The following KCNH7 variants were observed in gnomAD, a reference collection of about 807,000 sequenced individuals.
KCNH7 encodes potassium voltage-gated channel subfamily H member 7.
A neutral mutation model predicts 120.8 loss-of-function variants in KCNH7; 49 were observed. The observed-to-expected ratio is 0.41, with a 90% CI of 0.32 to 0.51. The LOEUF is 0.51. Ranked by LOEUF, KCNH7 falls within the 20% of genes least tolerant of loss-of-function variation. KCNH7 has a pLI of 0.38. For synonymous variants in KCNH7, 547 were observed against 516.1 expected, an observed-to-expected ratio of 1.06 and a Z score of -0.81; for missense variants, 1,097 against 1,446.6, an observed-to-expected ratio of 0.76 and a Z score of 3.92.
At chr2:162,379,818 G>C (rs369831069) in intron 14 of KCNH7, 35 bp downstream of exon 14, 2 of 1,606,650 alleles carry the variant, frequency 1.2e-6, no homozygotes, top group African/African-American at 1.3e-5. Context: ...TAAGGGGTTG[G>C]GTTATGTTCT....
intron 2 of KCNH7, among the ~76,000 whole-genome samples, chr2:162,766,844 C>A (rs1428605301): frequency 6.7e-6 from 1 of 149,460 alleles, no homozygotes; most frequent in Non-Finnish European, 1.5e-5. Context: ...TGTGTCCTTC[C>A]AAAGATGTTC....
At chr2:162,766,864 T>TACACACAC (rs200638624) in intron 2 of KCNH7, among the ~76,000 whole-genome samples, 169 of 141,606 alleles carry the variant, frequency 1.2e-3, no homozygotes, top group Middle Eastern at 3.7e-3. Context: ...CTAAGCACAT[T>TACACACAC]ACACACACAC....
At chr2:162,620,958 T>A (rs1287896743) in intron 2 of KCNH7, among the ~76,000 whole-genome samples, 1 of 152,248 alleles carries the variant, frequency 6.6e-6, no homozygotes, top group East Asian at 1.9e-4. Flanking sequence ...AGGCATAAGC[T>A]GGGACTGCCC....
chr2:162,517,979 C>T lies in KCNH7; in HGVS notation c.643G>A (p.Asp215Asn). The change falls in exon 4 of 16, where the codon GAC becomes AAC. Residue 215 changes from aspartate to asparagine, a missense_variant. Transcript: ENST00000332142. ...CTGGGCTGTATCAAAGCTTTTGTGTCATCTGCTTCAGAGGGGCTGCAGCTT... is the reference window on the plus strand; with the variant it reads ...CTGGGCTGTATCAAAGCTTTTGTGTTATCTGCTTCAGAGGGGCTGCAGCTT... ...KESCSPSEAD[D>N]TKALIQPSKC... is the part of the protein sequence containing the mutation. The T allele has an allele frequency of 6.2e-7, 1 of 1,612,402 alleles. No homozygotes were observed. Among genetic ancestry groups the T allele is most frequent in the Non-Finnish European group, 8.5e-7 (1 of 1,178,894 alleles).
At position 162,759,186 on chromosome 2, in the gene KCNH7, A is replaced by G. The variant is rs1688886529; in HGVS notation, c.307+77351T>C. Among the ~76,000 whole-genome samples the G allele has an allele frequency of 2.6e-5, 4 of 152,240 alleles. No individual in the cohort carries two copies. In the South Asian group the frequency reaches 8.3e-4, roughly 32 times the overall value. ...GAATATTTAACTGTACTCTACGTAA[A>G]GAATAGACTAGAGACCTTGGGACTT... On this transcript the variant is annotated intron_variant, in intron 2 of 15. Coordinates refer to ENST00000332142, the MANE Select transcript of KCNH7 (RefSeq NM_033272.4).
chr2:162,584,249 C>T (rs755551249), intron 2 of KCNH7, among the ~76,000 whole-genome samples: 18 of 152,144 alleles, frequency 1.2e-4, no homozygotes, highest in Non-Finnish European at 2.2e-4. Flanking sequence ...TCCTTTCACA[C>T]ACCCAAACTT....
chr2:162,772,889 A>T (rs1476089392), intron 2 of KCNH7, among the ~76,000 whole-genome samples: 1 of 152,224 alleles, frequency 6.6e-6, no homozygotes, highest in African/African-American at 2.4e-5. Context: ...TCAGAGAAGA[A>T]AAACAAAAAG....
chr2:162,767,897 T>C (rs1273763205), intron 2 of KCNH7, among the ~76,000 whole-genome samples: 1 of 152,198 alleles, frequency 6.6e-6, no homozygotes, highest in Non-Finnish European at 1.5e-5. Context: ...CAAGTTATTG[T>C]TGAATCACAA....
chr2:162,626,649 C>T (rs1001641843), intron 2 of KCNH7, among the ~76,000 whole-genome samples: 7 of 152,118 alleles, frequency 4.6e-5, no homozygotes, highest in Non-Finnish European at 1.0e-4. Context: ...AGGCTAGCAG[C>T]ATTGGCATTA....
At chr2:162,438,422 T>A (rs2105530649) in intron 7 of KCNH7, among the ~76,000 whole-genome samples, 1 of 152,244 alleles carries the variant, frequency 6.6e-6, no homozygotes, top group Non-Finnish European at 1.5e-5. Context: ...CATAGTAACA[T>A]ACAAGTGACA....
intron 2 of KCNH7, among the ~76,000 whole-genome samples, chr2:162,687,721 C>G (rs900519553): frequency 4.6e-5 from 7 of 152,142 alleles, no homozygotes; most frequent in Non-Finnish European, 7.4e-5. Context: ...ACTATTTTGA[C>G]AGCTGAGCCA....
At chr2:162,394,333 A>G (rs1340177918) in intron 12 of KCNH7, 56 bp downstream of exon 12, 1 of 989,204 alleles carries the variant, frequency 1.0e-6, no homozygotes, top group Non-Finnish European at 1.6e-6. Context: ...ACATTTAAGT[A>G]AGAAGGCTAA....
chr2:162,539,923 C>T (rs1692246570), intron 2 of KCNH7, among the ~76,000 whole-genome samples: 2 of 151,996 alleles, frequency 1.3e-5, no homozygotes, highest in African/African-American at 4.8e-5. Context: ...AATATTTTAG[C>T]TTGGATAATT....
In KCNH7 at chr2:162,718,048, C is replaced by CT. The variant is rs553444031; in HGVS notation, c.307+118488dup. ...TTTTTCTCTCTCTCCCTCTCTCTCT[C>CT]TTTTTTTTTTCTTTAATCACACATC... On this transcript the variant is annotated intron_variant, in intron 2 of 15. Transcript: ENST00000332142. Among the ~76,000 whole-genome samples, 2,563 of 148,454 alleles carry CT rather than the reference C, an allele frequency of 0.017. 293 individuals carry two copies. The East Asian group carries it at 0.33, about 19-fold the overall frequency.
intron 3 of KCNH7, among the ~76,000 whole-genome samples, chr2:162,524,243 C>A (rs1275282133): frequency 6.6e-6 from 1 of 152,036 alleles, no homozygotes; most frequent in East Asian, 1.9e-4. Context: ...GCAGGGATAG[C>A]CCCTTCAGAA....
rs555332828 is a variant in KCNH7, at chr2:162,674,018, C to A, written c.308-136938G>T. On this transcript the variant is annotated intron_variant, in intron 2 of 15. Transcript: ENST00000332142. Reference sequence around the variant, plus strand: ...GATTGGAAACAAGAAAAAATGTCCACAATCATCATTGCTAGTAAATATAAT... The same window carrying A: ...GATTGGAAACAAGAAAAAATGTCCAAAATCATCATTGCTAGTAAATATAAT... Among the ~76,000 whole-genome samples the A allele has an allele frequency of 7.8e-4, 118 of 151,818 alleles. 1 individual carries two copies. The highest frequency in any genetic ancestry group is 2.4e-3 in the African/African-American group (100 of 41,472).
chr2:162,780,975 T>G (rs183619730), intron 2 of KCNH7, among the ~76,000 whole-genome samples: 1 of 152,150 alleles, frequency 6.6e-6, no homozygotes, highest in Non-Finnish European at 1.5e-5. Context: ...CTAGAGATTA[T>G]ATCCTATTGT....
chr2:162,701,443 A>C (rs1033597080), intron 2 of KCNH7, among the ~76,000 whole-genome samples: 1 of 152,144 alleles, frequency 6.6e-6, no homozygotes, highest in African/African-American at 2.4e-5. Context: ...AATTTATCTC[A>C]GTTCAAATCC....
intron 6 of KCNH7, among the ~76,000 whole-genome samples, chr2:162,470,333 G>C (rs940220254): frequency 1.3e-5 from 2 of 151,916 alleles, no homozygotes; most frequent in African/African-American, 2.4e-5. Context: ...TGTCTGGGAT[G>C]TGAGGAGCGC....
Sources: gnomAD v4.1 joint callset for allele counts (sites outside exome capture counted in the v4.1 genomes callset) on GRCh38, gnomAD v4.1.1 for gene constraint, MANE v1.5 for transcripts, NCBI Gene and HGNC (gene_info 2026-07-23, HGNC 2026-07-21) for gene names.